ZNF318: variants seen among roughly 807,000 people sequenced by gnomAD.
ZNF318 encodes the protein zinc finger protein 318, also known as endocrine regulator.
In ZNF318, 51 loss-of-function variants were observed where a neutral mutation model predicts 124.2. The observed-to-expected ratio is 0.41, with a 90% CI of 0.33 to 0.52. ZNF318 has a LOEUF of 0.52. Among genes scored for constraint, ZNF318 ranks in the 20% least tolerant of loss-of-function variants. The pLI, the probability that ZNF318 is intolerant of heterozygous loss-of-function variation, is 0.23. For missense variants in ZNF318, 2,815 were observed against 2,811.2 expected, an observed-to-expected ratio of 1.00 and a Z score of -0.03; for synonymous variants, 1,090 against 1,040.7, an observed-to-expected ratio of 1.05 and a Z score of -0.91.
chr6:43,357,327 C>T lies in ZNF318; in HGVS notation c.987G>A (p.Glu329=). ...CCTGACTCAAGCTCCTACTTCGCTCCTCCTCTTCCTCTCGCTTTCGTCTGG... is the reference window on the plus strand; with the variant it reads ...CCTGACTCAAGCTCCTACTTCGCTCTTCCTCTTCCTCTCGCTTTCGTCTGG... The part of the protein sequence containing the change: ...DLARRKREEE[E]ERSRSLSQEL... The change falls in exon 3 of 10, where the codon GAG becomes GAA. Residue 329 remains glutamate, a synonymous_variant. Coordinates refer to ENST00000361428, the MANE Select transcript of ZNF318 (RefSeq NM_014345.3). 1 of 1,614,202 alleles carries T rather than the reference C, an allele frequency of 6.2e-7. No homozygotes were observed. Among genetic ancestry groups the T allele is most frequent in the Admixed American group, 1.7e-5 (1 of 60,024 alleles).
intron 3 of ZNF318, 130 bp downstream of exon 3, chr6:43,356,996 G>T: frequency 9.1e-7 from 1 of 1,095,196 alleles, no homozygotes. Context: ...GTCCTAGAAG[G>T]TGTAGCTCAC....
At chr6:43,352,165 T>C in intron 5 of ZNF318, among the ~76,000 whole-genome samples, 1 of 56,790 alleles carries the variant, frequency 1.8e-5, no homozygotes, top group South Asian at 5.6e-4. Context: ...ATCATCATCA[T>C]CATCATCATC....
rs780332078 is a variant in ZNF318 at position 43,338,322 on chromosome 6, C to G, written c.5676G>C (p.Leu1892Phe). The G allele has an allele frequency of 1.9e-6, 3 of 1,614,030 alleles. No individual in the cohort carries two copies. In the African/African-American group the frequency reaches 4.0e-5, roughly 22 times the overall value. Residue 1892 changes from leucine (L) to phenylalanine (F), a missense_variant, in exon 10 of 10, where the codon TTG (leucine) becomes TTC (phenylalanine). Coordinates refer to ENST00000361428, the MANE Select transcript of ZNF318 (RefSeq NM_014345.3). Reference sequence around the variant, plus strand: ...CTGATCTGGCTGGGGAATGAAGCAGCAACTCTGGGGCAGAAATTTTCACAG... The same window carrying G: ...CTGATCTGGCTGGGGAATGAAGCAGGAACTCTGGGGCAGAAATTTTCACAG... ...DTPVKISAPE[L>F]LLHSPARSAM...
Position 43,340,918 on chromosome 6 carries a change from G to A in ZNF318, c.3377-10C>T. On this transcript the variant is annotated splice_polypyrimidine_tract_variant and intron_variant, in intron 8 of 9. Transcript: ENST00000361428. ...ACCAGAAACTCAGAGCCTGGAAGAA[G>A]TAGAAAAAAGTCAAGGAAATAAGTC... 1 of 1,593,268 alleles carries A rather than the reference G, an allele frequency of 6.3e-7. No individual in the cohort carries two copies. The highest frequency in any genetic ancestry group is 1.1e-5 in the South Asian group (1 of 90,734).
At chr6:43,350,687 G>C (rs576437085) in intron 5 of ZNF318, among the ~76,000 whole-genome samples, 1 of 152,218 alleles carries the variant, frequency 6.6e-6, no homozygotes, top group East Asian at 1.9e-4. Context: ...GCCAGGCGTG[G>C]TGGCTCATGC....
rs1199159802 is a variant in ZNF318 at position 43,338,876 on chromosome 6, T to C, written c.5122A>G (p.Thr1708Ala). 8.1e-6 allele frequency: 13 copies of C among 1,614,110 alleles called. No homozygotes were observed. The highest frequency in any genetic ancestry group is 1.0e-5 in the Non-Finnish European group (12 of 1,180,018). The change falls in exon 10 of 10, where the codon ACT (threonine) becomes GCT (alanine). Residue 1708 changes from threonine to alanine, a missense_variant. Thr to Ala is a moderately conservative substitution (Grantham distance 58, BLOSUM62 0). Transcript: ENST00000361428. ...TTCTCTGGAGATATATCCCTACTAG[T>C]GTCACTCTGGAAGGAACTAGAGGTC... is the stretch of plus-strand genomic sequence containing the variant. ...IWTSSSFQSD[T>A]SRDISPEKSE...
chr6:43,341,855 A>G (rs529219154), intron 8 of ZNF318, among the ~76,000 whole-genome samples: 1 of 152,298 alleles, frequency 6.6e-6, no homozygotes, highest in Non-Finnish European at 1.5e-5. Context: ...GACAAAGACA[A>G]TTCTGTTTTA....
At chr6:43,352,509 T>A in intron 4 of ZNF318, 33 bp from the exon 5 acceptor site, 1 of 1,558,944 alleles carries the variant, frequency 6.4e-7, no homozygotes, top group Non-Finnish European at 8.8e-7. Context: ...AGAGTCCATC[T>A]CCTCCAACAT....
At chr6:43,348,666 T>C in intron 5 of ZNF318, 41 bp from the exon 6 acceptor site, 2 of 1,592,228 alleles carry the variant, frequency 1.3e-6, no homozygotes, top group Non-Finnish European at 8.6e-7. Flanking sequence ...ACAGGGAAAA[T>C]AAGACGAGTC....
rs756220026 is a variant in ZNF318 at position 43,357,129 on chromosome 6, C to A, written c.1185G>T (p.Met395Ile). ...RIEVDIMEPSMQLESFSSSTS... is the reference protein window; with the variant it reads ...RIEVDIMEPSIQLESFSSSTS... The stretch of plus-strand genomic sequence containing the variant: ...CTACAAGAAATGCAGCAGAGACCTG[C>A]ATGGAGGGCTCCATTATGTCCACCT... Residue 395 changes from methionine (M) to isoleucine (I), a missense_variant, in exon 3 of 10, where the codon ATG becomes ATT. By Grantham distance (10) the Met-to-Ile change is conservative. This residue lies in a region of ZNF318 where 1,377 missense variants were observed against 1,353.5 expected (regional missense o/e 1.02). Coordinates refer to ENST00000361428, the MANE Select transcript of ZNF318 (RefSeq NM_014345.3). The A allele has an allele frequency of 1.9e-6, 3 of 1,609,228 alleles. No homozygotes were observed. Among genetic ancestry groups the A allele is most frequent in the Non-Finnish European group, 2.5e-6 (3 of 1,177,288 alleles).
intron 4 of ZNF318, 77 bp downstream of exon 4, chr6:43,354,587 G>T: frequency 1.5e-6 from 2 of 1,371,396 alleles, no homozygotes; most frequent in Non-Finnish European, 9.9e-7. Flanking sequence ...CAAATTTTCA[G>T]CCCCTTCTAA....
rs570505127 is a variant in ZNF318 at position 43,340,303 on chromosome 6, T to C, written c.3695A>G (p.Lys1232Arg). 2 of 1,614,004 alleles carry C rather than the reference T, an allele frequency of 1.2e-6. No homozygotes were observed. The highest frequency in any genetic ancestry group is 2.2e-5 in the South Asian group (2 of 91,058). Residue 1232 changes from lysine (K) to arginine (R), a missense_variant, in exon 10 of 10, where the codon AAA becomes AGA. Coordinates refer to ENST00000361428, the MANE Select transcript of ZNF318 (RefSeq NM_014345.3). ...ACCCTCAGAGAGTTGGTCTTCTAAT[T>C]TCTCAGAGACCTTGTCATCCTCCTT... ...EVKEDDKVSEKLEDQLSEGRN... is the reference protein window; with the variant it reads ...EVKEDDKVSERLEDQLSEGRN...
At chr6:43,349,936 G>A (rs1157121288) in intron 5 of ZNF318, among the ~76,000 whole-genome samples, 1 of 151,896 alleles carries the variant, frequency 6.6e-6, no homozygotes, top group African/African-American at 2.4e-5. Context: ...ACAACAGAAT[G>A]AGACCCTGTC....
chr6:43,362,237 G>A (rs1048984691), intron 2 of ZNF318, among the ~76,000 whole-genome samples: 3 of 151,956 alleles, frequency 2.0e-5, no homozygotes, highest in African/African-American at 4.8e-5. Context: ...CAAGGTGGAC[G>A]GATCACGAGG....
intron 6 of ZNF318, among the ~76,000 whole-genome samples, chr6:43,347,986 T>C (rs762632178): frequency 6.6e-6 from 1 of 152,146 alleles, no homozygotes; most frequent in Non-Finnish European, 1.5e-5. Context: ...AGCAACACAG[T>C]AGTGACCTAG....
intron 7 of ZNF318, 112 bp from the exon 8 acceptor site, chr6:43,342,323 C>G (rs1478594239): frequency 1.4e-6 from 1 of 723,568 alleles, no homozygotes; most frequent in East Asian, 2.8e-5. Flanking sequence ...CCCCAGCTAC[C>G]CACCCCCACC....
At chr6:43,365,767 AGC>A (rs1779752624) in intron 1 of ZNF318, among the ~76,000 whole-genome samples, 1 of 152,214 alleles carries the variant, frequency 6.6e-6, no homozygotes, top group African/African-American at 2.4e-5. Context: ...CTGGGCAATG[AGC>A]AGGACCTTGT....
At chr6:43,367,714 T>C (rs1779780709) in intron 1 of ZNF318, among the ~76,000 whole-genome samples, 1 of 152,218 alleles carries the variant, frequency 6.6e-6, no homozygotes, top group South Asian at 2.1e-4. Flanking sequence ...CATTCTGTTC[T>C]TCCTTCCTCT....
intron 2 of ZNF318, chr6:43,364,395 T>G (rs1393419099): frequency 8.0e-6 from 2 of 249,010 alleles, no homozygotes; most frequent in African/African-American, 4.6e-5. Flanking sequence ...ATGGAACTTT[T>G]AGGTATTACC....
Sources: gnomAD v4.1 joint callset for allele counts (sites outside exome capture counted in the v4.1 genomes callset) on GRCh38, gnomAD v4.1.1 for gene constraint, gnomAD v4.1.1 regional missense constraint, MANE v1.5 for transcripts, NCBI Gene and HGNC (gene_info 2026-07-23, HGNC 2026-07-21) for gene names.